The following DOP1B variants were observed in gnomAD, a reference collection of about 807,000 sequenced individuals.
DOP1B encodes the protein protein DOP1B.
In DOP1B, 174 loss-of-function variants were observed where a neutral mutation model predicts 233.5. That is an observed-to-expected ratio of 0.75 (90% CI 0.66 to 0.85). The LOEUF (loss-of-function observed/expected upper bound fraction) is 0.85. Among genes scored for constraint, DOP1B ranks in the 40% least tolerant of loss-of-function variants. The pLI is 0.00. For missense variants in DOP1B, 2,652 were observed against 2,846.6 expected (o/e 0.93, Z 1.56); for synonymous variants, 1,190 against 1,185.6 (o/e 1.00, Z -0.08).
chr21:36,212,219 A>G, intron 7 of DOP1B, 122 bp downstream of exon 7: 2 of 1,183,108 alleles, frequency 1.7e-6, no homozygotes, highest in Non-Finnish European at 2.3e-6. Flanking sequence ...GAAAGATACC[A>G]CAATGACTAA....
Position 36,289,226 on chromosome 21 carries a change from G to A in DOP1B, c.6515+20G>A, listed in dbSNP as rs779106766. On this transcript the variant is annotated intron_variant, in intron 35 of 36. Transcript: ENST00000691173. The stretch of plus-strand genomic sequence containing the variant: ...TCAAATGTAAGTCAGATAGGATCGT[G>A]TGTCCTTTTTGAAGTAAGAGATTTT... 2 of 1,606,000 alleles carry A rather than the reference G, an allele frequency of 1.2e-6. No homozygotes were observed. The highest frequency in any genetic ancestry group is 1.1e-5 in the South Asian group (1 of 88,746).
intron 32 of DOP1B, 71 bp downstream of exon 32, chr21:36,281,682 CAG>C: frequency 7.4e-7 from 1 of 1,347,724 alleles, no homozygotes. Context: ...TTTATAAAAA[CAG>C]AAATTTATTG....
chr21:36,285,549 C>A (rs1371963747), intron 32 of DOP1B, among the ~76,000 whole-genome samples: 2 of 152,120 alleles, frequency 1.3e-5, no homozygotes, highest in Non-Finnish European at 1.5e-5. Flanking sequence ...GCCCAGCCCC[C>A]CTGAGTCCTG....
Position 36,270,000 on chromosome 21 carries a change from T to G in DOP1B, c.5488-13T>G, listed in dbSNP as rs2067269008. On this transcript the variant is annotated splice_polypyrimidine_tract_variant and intron_variant, in intron 26 of 36. Transcript: ENST00000691173. ...AATTAACTTCCTTTCCCCCTCCTCC[T>G]GATAATTCTCAGGAAATCACTCAGA... 6.2e-7 allele frequency: 1 copy of G among 1,613,822 alleles called. No homozygotes were observed. The highest frequency in any genetic ancestry group is 8.5e-7 in the Non-Finnish European group (1 of 1,179,810).
At chr21:36,236,840 G>A (rs566500498) in intron 15 of DOP1B, among the ~76,000 whole-genome samples, 86 of 128,006 alleles carry the variant, frequency 6.7e-4, no homozygotes, top group Non-Finnish European at 9.4e-4. Flanking sequence ...GTAGTTGCAT[G>A]ATCTCAGGAT....
At position 36,263,831 on chromosome 21, in the gene DOP1B, G is replaced by A; in HGVS notation, c.5487+17G>A. 2.5e-6 allele frequency: 4 copies of A among 1,613,448 alleles called. No homozygotes were observed. The highest frequency in any genetic ancestry group is 2.5e-6 in the Non-Finnish European group (3 of 1,179,484). Reference sequence around the variant, plus strand: ...GACCTGCAGGTTTGTATATGAAAGAGGTTCAGCCAAATGATATTACCCCAG... The same window carrying A: ...GACCTGCAGGTTTGTATATGAAAGAAGTTCAGCCAAATGATATTACCCCAG... On this transcript the variant is annotated intron_variant, in intron 26 of 36. Coordinates refer to ENST00000691173, the MANE Select transcript of DOP1B (RefSeq NM_001320714.2).
chr21:36,185,880 C>T (rs538090058), intron 2 of DOP1B, among the ~76,000 whole-genome samples: 5 of 152,262 alleles, frequency 3.3e-5, no homozygotes, highest in South Asian at 2.1e-4. Context: ...TGTGAGGCAG[C>T]GGTGAGTTTG....
At chr21:36,182,168 GC>G (rs1022511362) in intron 2 of DOP1B, among the ~76,000 whole-genome samples, 2 of 151,962 alleles carry the variant, frequency 1.3e-5, no homozygotes, top group Non-Finnish European at 1.5e-5. Flanking sequence ...GCAGGAAGGA[GC>G]CCGGAATTGG....
At chr21:36,175,783 ACT>A (rs1265187692) in intron 2 of DOP1B, 4 of 152,158 alleles carry the variant, frequency 2.6e-5, no homozygotes, top group Non-Finnish European at 5.9e-5. Context: ...ACAGAGTGAG[ACT>A]CTGTCTCAAA....
chr21:36,186,133 G>A (rs1417545955), intron 2 of DOP1B, among the ~76,000 whole-genome samples: 3 of 152,094 alleles, frequency 2.0e-5, no homozygotes, highest in Admixed American at 6.6e-5. Context: ...AACCCAGGAG[G>A]CAGAGGTTGC....
intron 4 of DOP1B, among the ~76,000 whole-genome samples, chr21:36,203,645 G>C (rs535769496): frequency 6.5e-5 from 6 of 91,906 alleles, no homozygotes; most frequent in East Asian, 5.9e-4. Context: ...AGGGTGCAGT[G>C]GGGGGGGTCA....
intron 15 of DOP1B, among the ~76,000 whole-genome samples, chr21:36,234,366 T>C (rs577991227): frequency 6.6e-6 from 1 of 152,198 alleles, no homozygotes; most frequent in Non-Finnish European, 1.5e-5. Context: ...GAAGAAAGAA[T>C]TGAGATCATG....
Position 36,293,533 on chromosome 21 carries a change from T to A in DOP1B, c.6859T>A (p.Cys2287Ser). The change falls in exon 37 of 37, where the codon TGC becomes AGC. Residue 2287 changes from cysteine (C) to serine (S), a missense_variant. Transcript: ENST00000691173. Reference protein sequence around the residue: ...SPRILKQLEECIEYDFLEHPE... With the variant: ...SPRILKQLEESIEYDFLEHPE... ...AAGGATCTTAAAACAACTGGAAGAA[T>A]GCATCGAATATGATTTTCTGGAACA... is the stretch of plus-strand genomic sequence containing the variant. The A allele has an allele frequency of 1.2e-6, 2 of 1,614,146 alleles. No homozygotes were observed. The highest frequency in any genetic ancestry group is 1.7e-6 in the Non-Finnish European group (2 of 1,179,994).
At chr21:36,218,152 C>T (rs1184525502) in intron 9 of DOP1B, among the ~76,000 whole-genome samples, 2 of 152,224 alleles carry the variant, frequency 1.3e-5, no homozygotes, top group African/African-American at 2.4e-5. Flanking sequence ...AGCCATACCT[C>T]ATTTCCTCCT....
At chr21:36,277,140 G>A (rs2067359900) in intron 28 of DOP1B, 40 bp downstream of exon 28, 5 of 1,596,942 alleles carry the variant, frequency 3.1e-6, no homozygotes, top group African/African-American at 2.7e-5. Context: ...ATGGAAATGA[G>A]CGCCATCACG....
rs760745223 is a variant in DOP1B, at chr21:36,253,753, CT to C, written c.5122-9del. 5.3e-4 allele frequency: 771 copies of C among 1,464,458 alleles called. No homozygotes were observed. Among genetic ancestry groups the C allele is most frequent in the Middle Eastern group, 1.3e-3 (7 of 5,598 alleles). The allele number at this position is 1,464,458 out of a possible 1,614,324, so 90.7% of individuals were successfully genotyped here. The stretch of plus-strand genomic sequence containing the variant: ...TTTCTCTCTATAAGCTTTCAAGGAA[CT>C]TTTTTTTTTCTTGGCAGATTATCCC... On this transcript the variant is annotated intron_variant, in intron 22 of 36. Coordinates refer to ENST00000691173, the MANE Select transcript of DOP1B (RefSeq NM_001320714.2).
intron 30 of DOP1B, among the ~76,000 whole-genome samples, chr21:36,279,602 C>G (rs1363871164): frequency 2.0e-5 from 3 of 152,140 alleles, no homozygotes; most frequent in Non-Finnish European, 4.4e-5. Flanking sequence ...GCTGGGGTAG[C>G]TCATTTGGAA....
intron 2 of DOP1B, among the ~76,000 whole-genome samples, chr21:36,173,663 T>C (rs1351560925): frequency 6.6e-6 from 1 of 152,092 alleles, no homozygotes; most frequent in Non-Finnish European, 1.5e-5. Flanking sequence ...GACCTCATGA[T>C]TCATCCGCCT....
chr21:36,175,853 G>A (rs138150047), intron 2 of DOP1B: 1 of 152,520 alleles, frequency 6.6e-6, no homozygotes, highest in African/African-American at 2.4e-5. Context: ...CCCAGTCTCA[G>A]GTGGAGGTCA....
Sources: gnomAD v4.1 joint callset for allele counts (sites outside exome capture counted in the v4.1 genomes callset) on GRCh38, gnomAD v4.1.1 for gene constraint, MANE v1.5 for transcripts, NCBI Gene and HGNC (gene_info 2026-07-23, HGNC 2026-07-21) for gene names.